The following ENTREP2 variants were observed in gnomAD, a reference collection of about 807,000 sequenced individuals.
The protein encoded by ENTREP2 is protein ENTREP2.
chr15:29,175,139 G>T, the ENTREP2 span, among the ~76,000 whole-genome samples: 1 of 152,144 alleles, frequency 6.6e-6, no homozygotes, highest in Admixed American at 6.5e-5. Flanking sequence ...GGCGGTGAGA[G>T]CCAGGGCTCC....
the ENTREP2 span, among the ~76,000 whole-genome samples, chr15:29,280,257 T>C: frequency 6.6e-6 from 1 of 152,216 alleles, no homozygotes; most frequent in Non-Finnish European, 1.5e-5. Context: ...GACCAACTCA[T>C]TTGTTACAAA....
chr15:29,279,401 T>G, the ENTREP2 span, among the ~76,000 whole-genome samples: 1 of 151,714 alleles, frequency 6.6e-6, no homozygotes, highest in African/African-American at 2.4e-5. Context: ...AGCCTGGCTG[T>G]GTCACCAGGC....
the ENTREP2 span, among the ~76,000 whole-genome samples, chr15:29,471,271 G>A: frequency 1.3e-5 from 2 of 152,186 alleles, no homozygotes; most frequent in African/African-American, 2.4e-5. Context: ...GAGTAAAAAC[G>A]TTTCCCAACT....
At chr15:29,269,609 C>T in the ENTREP2 span, 1 of 1,562,810 alleles carries the variant, frequency 6.4e-7, no homozygotes. Context: ...GCGTCTTCCC[C>T]GGCCCGCGAA....
At chr15:29,430,923 G>A in the ENTREP2 span, among the ~76,000 whole-genome samples, 10 of 152,110 alleles carry the variant, frequency 6.6e-5, no homozygotes, top group Non-Finnish European at 1.3e-4. Flanking sequence ...TTACTGACAC[G>A]GCTCCGGTGA....
At chr15:29,230,615 T>C in the ENTREP2 span, among the ~76,000 whole-genome samples, 1 of 152,194 alleles carries the variant, frequency 6.6e-6, no homozygotes, top group Middle Eastern at 3.4e-3. Context: ...GAGAATAATA[T>C]CTCGGTAAGT....
the ENTREP2 span, among the ~76,000 whole-genome samples, chr15:29,216,890 CTT>C: frequency 4.5e-4 from 68 of 152,250 alleles, no homozygotes; most frequent in African/African-American, 1.5e-3. Context: ...AAACACCACA[CTT>C]TGAGACAAAT....
chr15:29,660,971 C>G, the ENTREP2 span, among the ~76,000 whole-genome samples: 1 of 152,074 alleles, frequency 6.6e-6, no homozygotes, highest in Admixed American at 6.5e-5. Flanking sequence ...TGGAACCAAT[C>G]CCCCTCAGAT....
chr15:29,392,909 C>G, the ENTREP2 span, among the ~76,000 whole-genome samples: 198 of 152,332 alleles, frequency 1.3e-3, 1 homozygote, highest in African/African-American at 4.5e-3. Flanking sequence ...TCCAGATCAT[C>G]AATTGTCTCT....
the ENTREP2 span, among the ~76,000 whole-genome samples, chr15:29,342,574 T>C: frequency 6.6e-6 from 1 of 152,152 alleles, no homozygotes; most frequent in Non-Finnish European, 1.5e-5. Context: ...CTGGGGCTGG[T>C]TGGGGGGGCA....
the ENTREP2 span, among the ~76,000 whole-genome samples, chr15:29,513,410 G>A: frequency 3.9e-5 from 6 of 152,110 alleles, no homozygotes; most frequent in Admixed American, 2.0e-4. Context: ...AAGGTTCCAC[G>A]GAACCTAGTT....
chr15:29,373,696 A>T, the ENTREP2 span: 1 of 152,108 alleles, frequency 6.6e-6, no homozygotes, highest in Non-Finnish European at 1.5e-5. Context: ...ACAAATAAGA[A>T]TCATATAATT....
the ENTREP2 span, among the ~76,000 whole-genome samples, chr15:29,379,829 T>C: frequency 1.3e-5 from 2 of 152,178 alleles, no homozygotes; most frequent in African/African-American, 4.8e-5. Context: ...TTCTCTCTTG[T>C]CTTTTCATTC....
the ENTREP2 span, among the ~76,000 whole-genome samples, chr15:29,172,970 C>T: frequency 1.2e-4 from 19 of 152,294 alleles, no homozygotes; most frequent in South Asian, 6.2e-4. Context: ...ATAAAATCTC[C>T]GCGCCTTCCC....
At chr15:29,216,239 G>A in the ENTREP2 span, among the ~76,000 whole-genome samples, 1 of 152,156 alleles carries the variant, frequency 6.6e-6, no homozygotes, top group African/African-American at 2.4e-5. Context: ...TAGTTTCACT[G>A]GATACAAAAT....
chr15:29,293,284 C>T, the ENTREP2 span, among the ~76,000 whole-genome samples: 3 of 152,228 alleles, frequency 2.0e-5, no homozygotes, highest in Admixed American at 2.0e-4. Context: ...CGGAGTCTCG[C>T]TCTGTCCCCA....
chr15:29,445,011 T>G, the ENTREP2 span, among the ~76,000 whole-genome samples: 1 of 152,198 alleles, frequency 6.6e-6, no homozygotes, highest in Admixed American at 6.5e-5. Context: ...GACACCTTGC[T>G]TCCTCATAGA....
At chr15:29,600,902 C>CTTTTTTTTTTTTTTTTTTTTTTTT in the ENTREP2 span, among the ~76,000 whole-genome samples, 2 of 123,624 alleles carry the variant, frequency 1.6e-5, 1 homozygote, top group African/African-American at 7.2e-5. Context: ...ATTTTTCTTT[C>CTTTTTTTTTTTTTTTTTTTTTTTT]TTTTTTTTTT....
At chr15:29,321,833 G>A in the ENTREP2 span, among the ~76,000 whole-genome samples, 2 of 151,936 alleles carry the variant, frequency 1.3e-5, no homozygotes, top group Non-Finnish European at 2.9e-5. Context: ...GGGGGAGTGG[G>A]CGGGGAGGGA....
Sources: gnomAD v4.1 joint callset for allele counts (sites outside exome capture counted in the v4.1 genomes callset) on GRCh38, gnomAD v4.1.1 for gene constraint, MANE v1.5 for transcripts, NCBI Gene and HGNC (gene_info 2026-07-23, HGNC 2026-07-21) for gene names.